IFIH1: variants seen among roughly 807,000 people sequenced by gnomAD.
IFIH1 encodes the protein interferon-induced helicase C domain-containing protein 1.
Under a neutral mutation model 107.4 loss-of-function variants are expected in IFIH1, and 125 were observed. That is an observed-to-expected ratio of 1.16 (90% CI 1.01 to 1.35). IFIH1 has a LOEUF of 1.35. IFIH1 is among the 40% of genes most tolerant of loss of function. The pLI is 0.00. For synonymous variants in IFIH1, 458 were observed against 413.2 expected, an observed-to-expected ratio of 1.11 and a Z score of -1.31; for missense variants, 1,333 against 1,213.7, an observed-to-expected ratio of 1.10 and a Z score of -1.46.
chr2:162,304,178 A>G (rs1211795932), intron 3 of IFIH1, among the ~76,000 whole-genome samples: 1 of 152,174 alleles, frequency 6.6e-6, no homozygotes, highest in Non-Finnish European at 1.5e-5. Flanking sequence ...CATTACATTA[A>G]AAAACAAACA....
At chr2:162,289,355 G>A (rs563922079) in intron 4 of IFIH1, among the ~76,000 whole-genome samples, 367 of 151,430 alleles carry the variant, frequency 2.4e-3, no homozygotes, top group Admixed American at 4.5e-3. Flanking sequence ...TTATTTAGAA[G>A]TGACCATATT....
chr2:162,285,338 T>C (rs184843869), intron 5 of IFIH1, among the ~76,000 whole-genome samples: 87 of 152,072 alleles, frequency 5.7e-4, no homozygotes, highest in Admixed American at 5.7e-3. Context: ...GGAAGGGAGA[T>C]GAAAGTAAAT....
chr2:162,271,615 A>C (rs1183283223), intron 13 of IFIH1, among the ~76,000 whole-genome samples: 2 of 152,204 alleles, frequency 1.3e-5, no homozygotes, highest in Non-Finnish European at 2.9e-5. Flanking sequence ...ATAAGAAAAA[A>C]AAGAATTTCA....
Position 162,276,634 on chromosome 2 carries a change from G to GAAGAAGAAAAGAGAAAGAAAAGAA in IFIH1, c.2304+29_2304+52dup, listed in dbSNP as rs1255430045. 1.9e-6 allele frequency: 3 copies of GAAGAAGAAAAGAGAAAGAAAAGAA among 1,548,492 alleles called. No individual in the cohort carries two copies. The African/African-American group carries it at 4.2e-5, about 21-fold the overall frequency. On this transcript the variant is annotated intron_variant, in intron 11 of 15. Coordinates refer to ENST00000649979, the MANE Select transcript of IFIH1 (RefSeq NM_022168.4). ...AAAAGAAGAAGAGAAGAAGAGAAGA[G>GAAGAAGAAAAGAGAAAGAAAAGAA]AAGAAGAAAAGAGAAAGAAAAGAAA...
chr2:162,278,297 A>G lies in IFIH1; in HGVS notation c.1673T>C (p.Met558Thr). The change falls in exon 9 of 16, where the codon ATG becomes ACG. Residue 558 changes from methionine (M) to threonine (T), a missense_variant. Coordinates refer to ENST00000649979, the MANE Select transcript of IFIH1 (RefSeq NM_022168.4). Reference sequence around the variant, plus strand: ...TTGACAATAAGTTTGAATCCTTGTCATTATTTCTAGAAGTTTCTCTTTAAA... The same window carrying G: ...TTGACAATAAGTTTGAATCCTTGTCGTTATTTCTAGAAGTTTCTCTTTAAA... ...DPFKEKLLEI[M>T]TRIQTYCQMS... 6.7e-7 allele frequency: 1 copy of G among 1,482,810 alleles called. No homozygotes were observed. Among genetic ancestry groups the G allele is most frequent in the Non-Finnish European group, 9.4e-7 (1 of 1,069,110 alleles). 91.9% of individuals were successfully genotyped at this position (1,482,810 alleles called of 1,614,324 possible). A position where few individuals can be genotyped will look rare whatever the true frequency, so the allele number is the denominator to read the frequency against.
Position 162,310,760 on chromosome 2 carries a change from A to G in IFIH1, c.622+5T>C. The G allele has an allele frequency of 6.2e-7, 1 of 1,611,986 alleles. No homozygotes were observed. The highest frequency in any genetic ancestry group is 2.2e-5 in the East Asian group (1 of 44,832). ...AAGAATCTTCCTCAGTAAAATTACA[A>G]ATACCTGCATTGCTTTCTGAGCAAT... On this transcript the variant is annotated splice_donor_5th_base_variant and intron_variant, in intron 2 of 15. Transcript: ENST00000649979.
chr2:162,301,078 C>T (rs910396975), intron 3 of IFIH1, among the ~76,000 whole-genome samples: 12 of 152,078 alleles, frequency 7.9e-5, no homozygotes, highest in Non-Finnish European at 1.8e-4. Context: ...ATGATCTATG[C>T]AAAATATATC....
At position 162,318,215 on chromosome 2, in the gene IFIH1, C is replaced by T. The variant is rs900985139; in HGVS notation, c.93G>A (p.Val31=). ...CAGGCAGAAAGGTCAGGTAGTCCAGCACAGGCTCCACCTGGATGTACATTT... is the reference window on the plus strand; with the variant it reads ...CAGGCAGAAAGGTCAGGTAGTCCAGTACAGGCTCCACCTGGATGTACATTT... ...RVKMYIQVEP[V]LDYLTFLPAE... The change falls in exon 1 of 16, where the codon GTG becomes GTA. Residue 31 remains valine, a synonymous_variant. Transcript: ENST00000649979. 5 of 1,614,198 alleles carry T rather than the reference C, an allele frequency of 3.1e-6. No homozygotes were observed. The East Asian group carries it at 8.9e-5, about 29-fold the overall frequency.
chr2:162,318,031 G>C lies in IFIH1; in HGVS notation c.277C>G (p.Arg93Gly), dbSNP rs947699715. 7.4e-6 allele frequency: 12 copies of C among 1,614,038 alleles called. No individual in the cohort carries two copies. Among genetic ancestry groups the C allele is most frequent in the Admixed American group, 1.7e-5 (1 of 60,004 alleles). Residue 93 changes from arginine (R) to glycine (G), a missense_variant, in exon 1 of 16, where the codon CGC becomes GGC. By Grantham distance (125) the Arg-to-Gly change is moderately radical. Transcript: ENST00000649979. The stretch of plus-strand genomic sequence containing the variant: ...TCCGTGAGCTCAGGGTTCATGTAGC[G>C]GGCGGCCAGAGGGCTGCCGGTTCTC... ...LRRTGSPLAA[R>G]YMNPELTDLP...
Position 162,310,898 on chromosome 2 carries a change from A to T in IFIH1, c.489T>A (p.Gly163=), listed in dbSNP as rs760546878. The T allele has an allele frequency of 6.2e-7, 1 of 1,613,514 alleles. No individual in the cohort carries two copies. The highest frequency in any genetic ancestry group is 8.5e-7 in the Non-Finnish European group (1 of 1,179,624). The change falls in exon 2 of 16, where the codon GGT becomes GGA. Residue 163 remains glycine, a synonymous_variant. Coordinates refer to ENST00000649979, the MANE Select transcript of IFIH1 (RefSeq NM_022168.4). Reference sequence around the variant, plus strand: ...CAATCCTTTTTAGTAGCTCTCTTACACCTGATTCATTTCCATTGTTTTCTG... The same window carrying T: ...CAATCCTTTTTAGTAGCTCTCTTACTCCTGATTCATTTCCATTGTTTTCTG... The part of the protein sequence containing the change: ...AAAENNGNES[G]VRELLKRIVQ...
chr2:162,270,589 A>T lies in IFIH1; in HGVS notation c.2616+1637T>A, dbSNP rs1338949661. On this transcript the variant is annotated intron_variant, in intron 13 of 15. Coordinates refer to ENST00000649979, the MANE Select transcript of IFIH1 (RefSeq NM_022168.4). Reference sequence around the variant, plus strand: ...TTGGCCAAAGGAGACCTAAAAATATAGTCCATTCTGGGGCACCCAAAGGGA... The same window carrying T: ...TTGGCCAAAGGAGACCTAAAAATATTGTCCATTCTGGGGCACCCAAAGGGA... Among the ~76,000 whole-genome samples, 6 of 152,184 alleles carry T rather than the reference A, an allele frequency of 3.9e-5. No individual in the cohort carries two copies. The East Asian group carries it at 1.2e-3, about 29-fold the overall frequency.
chr2:162,301,613 T>C (rs377751172), intron 3 of IFIH1, among the ~76,000 whole-genome samples: 12 of 152,242 alleles, frequency 7.9e-5, no homozygotes, highest in African/African-American at 2.9e-4. Context: ...ACTATTCACT[T>C]GTTTTGACAA....
intron 8 of IFIH1, 113 bp from the exon 9 acceptor site, chr2:162,278,441 C>G (rs1467330750): frequency 1.6e-6 from 1 of 612,594 alleles, no homozygotes; most frequent in Non-Finnish European, 2.7e-6. Context: ...TTTGTTTAGA[C>G]AAAGTAACAG....
chr2:162,281,495 C>G lies in IFIH1; in HGVS notation c.1357G>C (p.Val453Leu), dbSNP rs367921237. The change falls in exon 7 of 16, where the codon GTG becomes CTG. Residue 453 changes from valine (V) to leucine (L), a missense_variant. Transcript: ENST00000649979. ...TAATGCCTCATGATGTTATTATACA[C>G]TGCTTCTTTGTTGGTGTGATGACAT... is the stretch of plus-strand genomic sequence containing the variant. The part of the protein sequence containing the change: ...DECHHTNKEA[V>L]YNNIMRHYLM... The G allele has an allele frequency of 1.5e-5, 24 of 1,611,788 alleles. No homozygotes were observed. The highest frequency in any genetic ancestry group is 1.4e-5 in the Non-Finnish European group (16 of 1,178,660).
chr2:162,282,885 A>G (rs1200956424), intron 5 of IFIH1, among the ~76,000 whole-genome samples: 1 of 151,846 alleles, frequency 6.6e-6, no homozygotes, highest in Non-Finnish European at 1.5e-5. Flanking sequence ...TTACAACACA[A>G]TGTAATAATG....
At position 162,313,985 on chromosome 2, in the gene IFIH1, T is replaced by C. The variant is rs193161129; in HGVS notation, c.454-3052A>G. ...TTCTTCTGTGTAAATGGAAGGTGTG[T>C]GGAGTCTCCAGGACTACAGATGCAT... On this transcript the variant is annotated intron_variant, in intron 1 of 15. Coordinates refer to ENST00000649979, the MANE Select transcript of IFIH1 (RefSeq NM_022168.4). Among the ~76,000 whole-genome samples, 686 of 152,306 alleles carry C rather than the reference T, an allele frequency of 4.5e-3. 8 individuals carry two copies. The highest frequency in any genetic ancestry group is 0.016 in the African/African-American group (650 of 41,550).
At chr2:162,312,320 T>G (rs1345686842) in intron 1 of IFIH1, among the ~76,000 whole-genome samples, 1 of 152,164 alleles carries the variant, frequency 6.6e-6, no homozygotes, top group Non-Finnish European at 1.5e-5. Context: ...TAGCATCTAG[T>G]AGTTAAGCAT....
chr2:162,277,525 C>T lies in IFIH1; in HGVS notation c.1934G>A (p.Ser645Asn), dbSNP rs779637110. Reference protein sequence around the residue: ...DKKFAVIEDDSDEGGDDEYCD... With the variant: ...DKKFAVIEDDNDEGGDDEYCD... ...ATACTCATCATCACCACCCTCATCA[C>T]TATCATCTTCTATGACTGCAAACTT... The change falls in exon 10 of 16, where the codon AGT becomes AAT. Residue 645 changes from serine to asparagine, a missense_variant. Coordinates refer to ENST00000649979, the MANE Select transcript of IFIH1 (RefSeq NM_022168.4). 4 of 1,586,074 alleles carry T rather than the reference C, an allele frequency of 2.5e-6. No individual in the cohort carries two copies. The highest frequency in any genetic ancestry group is 2.2e-5 in the East Asian group (1 of 44,692).
intron 1 of IFIH1, among the ~76,000 whole-genome samples, chr2:162,312,642 C>A (rs187605789): frequency 7.2e-5 from 11 of 152,316 alleles, no homozygotes; most frequent in Admixed American, 6.5e-5. Context: ...TCACCCACAA[C>A]ATTTTCTAAG....
Sources: gnomAD v4.1 joint callset for allele counts (sites outside exome capture counted in the v4.1 genomes callset) on GRCh38, gnomAD v4.1.1 for gene constraint, MANE v1.5 for transcripts, NCBI Gene and HGNC (gene_info 2026-07-23, HGNC 2026-07-21) for gene names.